FAM184B: variants seen among roughly 807,000 people sequenced by gnomAD.
FAM184B encodes the protein protein FAM184B.
A neutral mutation model predicts 135.9 loss-of-function variants in FAM184B; 111 were observed. The observed-to-expected ratio is 0.82, with a 90% CI of 0.70 to 0.96. The LOEUF (loss-of-function observed/expected upper bound fraction) is 0.96. FAM184B is among the 40% of genes least tolerant of loss of function. The pLI, the probability that FAM184B is intolerant of heterozygous loss-of-function variation, is 0.00. For synonymous variants in FAM184B, 552 were observed against 524.8 expected, an observed-to-expected ratio of 1.05 and a Z score of -0.71; for missense variants, 1,375 against 1,323.9, an observed-to-expected ratio of 1.04 and a Z score of -0.60.
intron 10 of FAM184B, among the ~76,000 whole-genome samples, chr4:17,657,218 A>G (rs1364319268): frequency 7.9e-5 from 12 of 152,178 alleles, no homozygotes; most frequent in African/African-American, 2.9e-4. Context: ...TACAACTTCT[A>G]AATGCTTTGT....
chr4:17,705,876 T>A lies in FAM184B; in HGVS notation c.1046A>T (p.Glu349Val). The change falls in exon 4 of 18, where the codon GAG (glutamate) becomes GTG (valine). Residue 349 changes from glutamate (E) to valine (V), a missense_variant. Glu to Val is a moderately radical substitution (Grantham distance 121, BLOSUM62 -2). Coordinates refer to ENST00000265018, the MANE Select transcript of FAM184B (RefSeq NM_015688.2). ...CAGGACTTTGTTCTCTGAAACTAAC[T>A]CAGTCTTCATGGCATCTGCAAGCAT... ...GTQQTDAMKT[E>V]LVSENKVLRE... 1 of 1,552,282 alleles carries A rather than the reference T, an allele frequency of 6.4e-7. No homozygotes were observed. The highest frequency in any genetic ancestry group is 8.7e-7 in the Non-Finnish European group (1 of 1,147,114).
chr4:17,634,019 T>TA (rs552757786), intron 16 of FAM184B, 131 bp from the exon 17 acceptor site: 9 of 621,300 alleles, frequency 1.4e-5, no homozygotes, highest in Admixed American at 1.2e-4. Flanking sequence ...TTTATACACT[T>TA]ACATGCTATT....
At chr4:17,743,054 A>G (rs1718079988) in intron 1 of FAM184B, among the ~76,000 whole-genome samples, 1 of 152,134 alleles carries the variant, frequency 6.6e-6, no homozygotes, top group Non-Finnish European at 1.5e-5. Flanking sequence ...TCCCGCACTT[A>G]CTGTCTTGCA....
At position 17,631,806 on chromosome 4, in the gene FAM184B, T is replaced by A. The variant is rs1714952412; in HGVS notation, c.*726A>T. 6.6e-6 allele frequency: 1 copy of A among 152,166 alleles called. No homozygotes were observed. The highest frequency in any genetic ancestry group is 1.5e-5 in the Non-Finnish European group (1 of 68,040). The allele number at this position is 152,166 out of a possible 1,614,324, so 9.4% of individuals were successfully genotyped here. A position where few individuals can be genotyped will look rare whatever the true frequency, so the allele number is the denominator to read the frequency against. ...ACTGTTATTTGTCTTCCTATTGAGG[T>A]TAGATGTGCATTTTGGAATTGCATC... On this transcript the variant is annotated 3_prime_UTR_variant, in exon 18 of 18. Transcript: ENST00000265018.
At chr4:17,695,167 T>G (rs1225843366) in intron 5 of FAM184B, among the ~76,000 whole-genome samples, 78 of 151,808 alleles carry the variant, frequency 5.1e-4, no homozygotes, top group Admixed American at 2.5e-3. Flanking sequence ...TTGTTGTTTT[T>G]TTTTTTTCTG....
intron 7 of FAM184B, among the ~76,000 whole-genome samples, chr4:17,670,054 C>G (rs1168540713): frequency 6.6e-6 from 1 of 152,162 alleles, no homozygotes; most frequent in African/African-American, 2.4e-5. Flanking sequence ...ACAGACTGTG[C>G]TATCTGATGA....
intron 1 of FAM184B, among the ~76,000 whole-genome samples, chr4:17,728,631 T>G (rs1717697239): frequency 6.6e-6 from 1 of 151,674 alleles, no homozygotes; most frequent in African/African-American, 2.4e-5. Context: ...GAAGGAAGAG[T>G]GCTGCGGAAA....
intron 13 of FAM184B, among the ~76,000 whole-genome samples, chr4:17,640,220 C>T (rs1715267979): frequency 6.6e-6 from 1 of 151,052 alleles, no homozygotes; most frequent in Non-Finnish European, 1.5e-5. Flanking sequence ...CATCTGTAAT[C>T]CCAGCACTTT....
chr4:17,659,730 C>T (rs915232069), intron 9 of FAM184B, among the ~76,000 whole-genome samples: 1 of 152,156 alleles, frequency 6.6e-6, no homozygotes, highest in Admixed American at 6.5e-5. Context: ...AAGTGATCTG[C>T]CCCCCTCGGC....
chr4:17,658,564 T>C lies in FAM184B; in HGVS notation c.1825-2A>G. On this transcript the variant is annotated splice_acceptor_variant, in intron 9 of 17. Transcript: ENST00000265018. LOFTEE classifies it high-confidence loss of function. ...CAGAGCCTGCTGCATCTGTGAGACC[T>C]GCGCACAAGGCATCCTGCCCTCAGT... The C allele has an allele frequency of 6.5e-7, 1 of 1,550,270 alleles. No homozygotes were observed. Among genetic ancestry groups the C allele is most frequent in the African/African-American group, 1.4e-5 (1 of 73,166 alleles).
chr4:17,772,938 C>T (rs1718850271), intron 1 of FAM184B, among the ~76,000 whole-genome samples: 1 of 152,270 alleles, frequency 6.6e-6, no homozygotes, highest in African/African-American at 2.4e-5. Flanking sequence ...CTCTATAGGC[C>T]CAGTCCCTGC....
rs11942856 is a variant in FAM184B, at chr4:17,765,982, C to T, written c.141+15177G>A. On this transcript the variant is annotated intron_variant, in intron 1 of 17. Transcript: ENST00000265018. ...TCTGTCCGGGGTTATTCATTCCCCCCGGCAGGTTCATGATCTAACTGGCTT... is the reference window on the plus strand; with the variant it reads ...TCTGTCCGGGGTTATTCATTCCCCCTGGCAGGTTCATGATCTAACTGGCTT... Among the ~76,000 whole-genome samples the T allele has an allele frequency of 5.8e-3, 886 of 152,174 alleles. 9 individuals carry two copies. Among genetic ancestry groups the T allele is most frequent in the African/African-American group, 0.02 (838 of 41,514 alleles).
At chr4:17,720,648 G>A (rs1385746666) in intron 1 of FAM184B, among the ~76,000 whole-genome samples, 1 of 152,020 alleles carries the variant, frequency 6.6e-6, no homozygotes, top group Non-Finnish European at 1.5e-5. Flanking sequence ...AGCACTTTGG[G>A]AGGCTGAGGG....
intron 12 of FAM184B, among the ~76,000 whole-genome samples, chr4:17,643,908 A>G (rs968260393): frequency 5.9e-5 from 9 of 152,196 alleles, no homozygotes; most frequent in African/African-American, 2.2e-4. Context: ...CAACAAGGAC[A>G]TCTATGAAAT....
At chr4:17,685,298 C>T (rs1716553704) in intron 7 of FAM184B, among the ~76,000 whole-genome samples, 2 of 149,842 alleles carry the variant, frequency 1.3e-5, no homozygotes, top group African/African-American at 4.9e-5. Flanking sequence ...CACCTGTAAT[C>T]CCAGCACTTT....
chr4:17,779,348 C>G (rs1252097207), intron 1 of FAM184B, among the ~76,000 whole-genome samples: 1 of 152,200 alleles, frequency 6.6e-6, no homozygotes, highest in Non-Finnish European at 1.5e-5. Context: ...ACAAAAACTT[C>G]TAATTTAAGC....
chr4:17,780,168 G>A (rs1719007441), intron 1 of FAM184B, among the ~76,000 whole-genome samples: 1 of 152,188 alleles, frequency 6.6e-6, no homozygotes, highest in South Asian at 2.1e-4. Flanking sequence ...TGAGGTTGGC[G>A]GGACAGGGGG....
chr4:17,739,571 T>TTTTTTTTTTTTTTTA (rs1717983878), intron 1 of FAM184B, among the ~76,000 whole-genome samples: 11 of 143,636 alleles, frequency 7.7e-5, no homozygotes, highest in South Asian at 2.4e-4. Flanking sequence ...TTTTTTTTTT[T>TTTTTTTTTTTTTTTA]GAGATGGGGT....
At position 17,658,380 on chromosome 4, in the gene FAM184B, C is replaced by T; in HGVS notation, c.2007G>A (p.Met669Ile). The T allele has an allele frequency of 6.4e-7, 1 of 1,551,706 alleles. No homozygotes were observed. Among genetic ancestry groups the T allele is most frequent in the Non-Finnish European group, 8.7e-7 (1 of 1,147,012 alleles). The change falls in exon 10 of 18, where the codon ATG becomes ATA. Residue 669 changes from methionine (M) to isoleucine (I), a missense_variant. Physicochemically the swap from Met to Ile is conservative, Grantham distance 10. Coordinates refer to ENST00000265018, the MANE Select transcript of FAM184B (RefSeq NM_015688.2). ...GTTCCTGATGTCTGGCCTTCTCCAG[C>T]ATGCGCAGGGCTCTCTGGTGGGAAG... ...LEASHQRALR[M>I]LEKARHQELK...
Sources: gnomAD v4.1 joint callset for allele counts (sites outside exome capture counted in the v4.1 genomes callset) on GRCh38, gnomAD v4.1.1 for gene constraint, MANE v1.5 for transcripts, NCBI Gene and HGNC (gene_info 2026-07-23, HGNC 2026-07-21) for gene names.